DHX57: variants seen among roughly 807,000 people sequenced by gnomAD.
DHX57 encodes DExH-box helicase 57, also known as putative ATP-dependent RNA helicase DHX57.
Under a neutral mutation model 156.2 loss-of-function variants are expected in DHX57, and 105 were observed. The ratio of observed to expected loss-of-function variants is 0.67; its 90% CI spans 0.57 to 0.79. DHX57 has a LOEUF of 0.79. Ranked by LOEUF, DHX57 falls within the 30% of genes least tolerant of loss-of-function variation. The pLI is 0.00. For synonymous variants in DHX57, 704 were observed against 595.6 expected (o/e 1.18, Z -2.65); for missense variants, 1,847 against 1,661.9 (o/e 1.11, Z -1.94).
intron 5 of DHX57, among the ~76,000 whole-genome samples, chr2:38,859,833 T>TA (rs1159929139): frequency 1.0e-4 from 15 of 150,712 alleles, no homozygotes; most frequent in Admixed American, 4.6e-4. Context: ...TTTTTTTTTT[T>TA]AATTAAGAAA....
chr2:38,822,958 A>T (rs1193653152), intron 17 of DHX57, 35 bp downstream of exon 17: 1 of 1,602,628 alleles, frequency 6.2e-7, no homozygotes. Flanking sequence ...TGGTCCTCTT[A>T]GAGACTCCAG....
At chr2:38,809,510 G>A (rs1322994170) in intron 21 of DHX57, among the ~76,000 whole-genome samples, 5 of 148,908 alleles carry the variant, frequency 3.4e-5, no homozygotes, top group Non-Finnish European at 7.4e-5. Flanking sequence ...CACCCAGGCT[G>A]GAGTGTGGTG....
chr2:38,856,215 A>C (rs1672885412), intron 7 of DHX57, 125 bp downstream of exon 7: 9 of 1,359,988 alleles, frequency 6.6e-6, no homozygotes. Flanking sequence ...CTTATGTCTC[A>C]AGGCAGATGT....
chr2:38,814,582 T>C (rs1008562255), intron 20 of DHX57, among the ~76,000 whole-genome samples: 4 of 152,188 alleles, frequency 2.6e-5, no homozygotes, highest in Admixed American at 6.5e-5. Context: ...CCTATAGTTA[T>C]AGAAAAAGCT....
chr2:38,849,924 T>C (rs187373297), intron 9 of DHX57, among the ~76,000 whole-genome samples: 81 of 152,334 alleles, frequency 5.3e-4, no homozygotes, highest in African/African-American at 1.9e-3. Flanking sequence ...ATTGTCTTTT[T>C]TCTGCTTTAT....
rs370699078 is a variant in DHX57, at chr2:38,816,371, C to T, written c.3472-716G>A. ...CTGGGGCTACAGGTGTGTGCCACCA[C>T]GCCCAGCCAATTTTTGTATTTTTAG... On this transcript the variant is annotated intron_variant, in intron 19 of 23. Coordinates refer to ENST00000457308, the MANE Select transcript of DHX57 (RefSeq NM_198963.3). Among the ~76,000 whole-genome samples, 5 of 152,140 alleles carry T rather than the reference C, an allele frequency of 3.3e-5. No homozygotes were observed. The East Asian group carries it at 5.8e-4, about 18-fold the overall frequency.
chr2:38,823,071 T>G lies in DHX57; in HGVS notation c.3213A>C (p.Leu1071=), dbSNP rs774934247. 1.4e-5 allele frequency: 22 copies of G among 1,613,978 alleles called. No individual in the cohort carries two copies. Among genetic ancestry groups the G allele is most frequent in the Non-Finnish European group, 1.3e-5 (15 of 1,180,024 alleles). The change falls in exon 17 of 24, where the codon CTA becomes CTC. Residue 1071 remains leucine, a synonymous_variant. Coordinates refer to ENST00000457308, the MANE Select transcript of DHX57 (RefSeq NM_198963.3). The part of the protein sequence containing the change: ...SLPVDVRIGK[L]MLFGSIFRCL... Reference sequence around the variant, plus strand: ...AGCGGAAGATAGACCCAAACAACATTAGTTTGCCAATTCTCACATCCACGG... The same window carrying G: ...AGCGGAAGATAGACCCAAACAACATGAGTTTGCCAATTCTCACATCCACGG...
intron 13 of DHX57, among the ~76,000 whole-genome samples, chr2:38,837,190 A>G (rs1278031040): frequency 1.3e-5 from 2 of 152,182 alleles, no homozygotes; most frequent in Non-Finnish European, 2.9e-5. Flanking sequence ...TAGGGGTAGT[A>G]TCTACTGAGC....
intron 13 of DHX57, among the ~76,000 whole-genome samples, chr2:38,835,745 G>A (rs1336295091): frequency 6.6e-6 from 1 of 152,158 alleles, no homozygotes; most frequent in Admixed American, 6.6e-5. Context: ...GGTTGTTATT[G>A]AAAAAGTGCG....
At chr2:38,856,503 CTTTTTT>C (rs372510406) in intron 6 of DHX57, 42 bp from the exon 7 acceptor site, 213 of 1,391,296 alleles carry the variant, frequency 1.5e-4, no homozygotes, top group Middle Eastern at 8.0e-4. Context: ...GTTACTTTTT[CTTTTTT>C]TTTTTTTTTT....
chr2:38,860,654 A>C (rs1347298312), intron 5 of DHX57, among the ~76,000 whole-genome samples: 1 of 152,220 alleles, frequency 6.6e-6, no homozygotes, highest in Non-Finnish European at 1.5e-5. Flanking sequence ...AATTCAGTAT[A>C]CAGTATAAGA....
At chr2:38,814,863 C>T (rs1027778511) in intron 20 of DHX57, among the ~76,000 whole-genome samples, 9 of 151,724 alleles carry the variant, frequency 5.9e-5, no homozygotes, top group African/African-American at 2.2e-4. Context: ...GCTGGGATTA[C>T]AGGCATGTGC....
At chr2:38,857,995 G>C (rs969679855) in intron 6 of DHX57, among the ~76,000 whole-genome samples, 1 of 152,188 alleles carries the variant, frequency 6.6e-6, no homozygotes, top group Non-Finnish European at 1.5e-5. Flanking sequence ...AGCCTTCCAA[G>C]TAGCTGAGAC....
chr2:38,818,260 C>G (rs1670640742), intron 19 of DHX57, among the ~76,000 whole-genome samples: 1 of 152,130 alleles, frequency 6.6e-6, no homozygotes, highest in Admixed American at 6.6e-5. Context: ...GGTGTGGTGT[C>G]TCACACCTGT....
intron 13 of DHX57, among the ~76,000 whole-genome samples, chr2:38,829,139 C>T (rs547368054): frequency 1.1e-4 from 16 of 152,150 alleles, no homozygotes; most frequent in Admixed American, 3.9e-4. Flanking sequence ...GATGGGGTTT[C>T]GCCATGTTGC....
intron 9 of DHX57, 50 bp downstream of exon 9, chr2:38,854,004 T>G: frequency 6.6e-7 from 1 of 1,517,246 alleles, no homozygotes; most frequent in South Asian, 1.3e-5. Flanking sequence ...TTTTCTGCCA[T>G]GCCTTCAATT....
intron 15 of DHX57, among the ~76,000 whole-genome samples, chr2:38,826,252 C>G (rs564833639): frequency 6.6e-6 from 1 of 152,280 alleles, no homozygotes; most frequent in Admixed American, 6.5e-5. Context: ...TACACAGTTT[C>G]TTTATTCAAC....
At chr2:38,827,413 G>A (rs1671143999) in intron 14 of DHX57, among the ~76,000 whole-genome samples, 1 of 146,504 alleles carries the variant, frequency 6.8e-6, no homozygotes, top group Admixed American at 6.9e-5. Context: ...TTGAACCTGG[G>A]AGGCGGAGGT....
rs573734663 is a variant in DHX57, at chr2:38,838,985, G to A, written c.2426-1038C>T. On this transcript the variant is annotated intron_variant, in intron 12 of 23. Transcript: ENST00000457308. Reference sequence around the variant, plus strand: ...CTTGCTCTGTCACCCAGGCTGGAGTGCAGTGGTGTGATCTCGGCTCACTGC... The same window carrying A: ...CTTGCTCTGTCACCCAGGCTGGAGTACAGTGGTGTGATCTCGGCTCACTGC... Among the ~76,000 whole-genome samples the A allele has an allele frequency of 4.6e-5, 7 of 152,058 alleles. No homozygotes were observed. In the East Asian group the frequency reaches 1.2e-3, roughly 25 times the overall value.
Sources: gnomAD v4.1 joint callset for allele counts (sites outside exome capture counted in the v4.1 genomes callset) on GRCh38, gnomAD v4.1.1 for gene constraint, MANE v1.5 for transcripts, NCBI Gene and HGNC (gene_info 2026-07-23, HGNC 2026-07-21) for gene names.